Variants in GRM8 observed in about 807,000 individuals in gnomAD.
GRM8 encodes the protein metabotropic glutamate receptor 8.
A neutral mutation model predicts 87.2 loss-of-function variants in GRM8; 47 were observed. The ratio of observed to expected loss-of-function variants is 0.54; its 90% CI spans 0.43 to 0.69. GRM8 has a LOEUF of 0.69. Ranked by LOEUF, GRM8 falls within the 30% of genes least tolerant of loss-of-function variation. The pLI, the probability that GRM8 is intolerant of heterozygous loss-of-function variation, is 0.00. For missense variants in GRM8, 1,019 were observed against 1,139.2 expected, an observed-to-expected ratio of 0.89 and a Z score of 1.52; for synonymous variants, 396 against 404.5, an observed-to-expected ratio of 0.98 and a Z score of 0.25.
At chr7:127,172,830 C>T (rs1034778362) in intron 2 of GRM8, among the ~76,000 whole-genome samples, 5 of 152,116 alleles carry the variant, frequency 3.3e-5, no homozygotes, top group East Asian at 1.9e-4. Context: ...AGGATTAAAA[C>T]GTTATGTGCT....
rs556315374 is a variant in GRM8 at position 126,709,291 on chromosome 7, C to T, written c.1357+60574G>A. Among the ~76,000 whole-genome samples, 20 of 152,226 alleles carry T rather than the reference C, an allele frequency of 1.3e-4. No homozygotes were observed. The East Asian group carries it at 3.5e-3, about 26-fold the overall frequency. On this transcript the variant is annotated intron_variant, in intron 7 of 10. Transcript: ENST00000339582. ...AAAAGACAAGAAGCTAGGTGAGTAG[C>T]TCATGCCTGTAATCCCAGCTATGCA...
chr7:126,583,261 C>T (rs146351068), intron 8 of GRM8, among the ~76,000 whole-genome samples: 3,865 of 152,060 alleles, frequency 0.025, 154 homozygotes, highest in African/African-American at 0.088. Flanking sequence ...AAGGCTGAGG[C>T]AGGAAAATTG....
intron 7 of GRM8, among the ~76,000 whole-genome samples, chr7:126,718,744 T>G (rs557689103): frequency 6.6e-6 from 1 of 152,324 alleles, no homozygotes; most frequent in South Asian, 2.1e-4. Flanking sequence ...GCCACGAGGT[T>G]CCAGTTACTG....
intron 9 of GRM8, among the ~76,000 whole-genome samples, chr7:126,449,833 T>G (rs1246314792): frequency 6.6e-6 from 1 of 151,848 alleles, no homozygotes; most frequent in Non-Finnish European, 1.5e-5. Context: ...TTTCCCAGCC[T>G]TCTCTTACGT....
chr7:126,931,053 G>C (rs1362894226), intron 3 of GRM8, among the ~76,000 whole-genome samples: 2 of 152,152 alleles, frequency 1.3e-5, no homozygotes, highest in African/African-American at 4.8e-5. Flanking sequence ...TGTGAGCAGA[G>C]ATGATACTGA....
At chr7:126,907,342 G>A (rs1357288525) in intron 3 of GRM8, among the ~76,000 whole-genome samples, 2 of 151,104 alleles carry the variant, frequency 1.3e-5, no homozygotes, top group Non-Finnish European at 2.9e-5. Flanking sequence ...AGGGGAAGGA[G>A]GAGAAGGAGA....
At chr7:127,121,768 A>G (rs554185681) in intron 2 of GRM8, among the ~76,000 whole-genome samples, 2 of 152,258 alleles carry the variant, frequency 1.3e-5, no homozygotes, top group Non-Finnish European at 2.9e-5. Flanking sequence ...TGAGAATTCT[A>G]TCACGAGACA....
chr7:126,633,947 GA>G (rs1447034964), intron 7 of GRM8, among the ~76,000 whole-genome samples: 2 of 151,844 alleles, frequency 1.3e-5, no homozygotes, highest in Non-Finnish European at 2.9e-5. Context: ...ACAAGTATAT[GA>G]AAAAATGCCT....
chr7:126,446,108 ACT>A lies in GRM8; in HGVS notation c.2677+16_2677+17del. On this transcript the variant is annotated intron_variant, in intron 10 of 10. Coordinates refer to ENST00000339582, the MANE Select transcript of GRM8 (RefSeq NM_000845.3). ...GTGCTCCCGCTCTTGACCATCGGAA[ACT>A]CTACAGATGACTTACTGTTGGTTTC... The A allele has an allele frequency of 6.2e-7, 1 of 1,612,266 alleles. No homozygotes were observed. The highest frequency in any genetic ancestry group is 8.5e-7 in the Non-Finnish European group (1 of 1,178,826).
intron 2 of GRM8, among the ~76,000 whole-genome samples, chr7:127,115,423 A>T (rs1379700245): frequency 1.3e-5 from 2 of 152,192 alleles, no homozygotes; most frequent in Non-Finnish European, 2.9e-5. Context: ...AGACATTTTG[A>T]TTTGGCTACT....
intron 8 of GRM8, among the ~76,000 whole-genome samples, chr7:126,544,114 A>C (rs1047527314): frequency 2.3e-4 from 35 of 152,232 alleles, no homozygotes; most frequent in African/African-American, 8.4e-4. Context: ...ACACTTTGGC[A>C]TTATATGGTG....
At chr7:126,665,079 G>T (rs1468332334) in intron 7 of GRM8, among the ~76,000 whole-genome samples, 2 of 152,108 alleles carry the variant, frequency 1.3e-5, no homozygotes, top group Non-Finnish European at 2.9e-5. Flanking sequence ...TCTCACACCA[G>T]TCAGAATGGC....
intron 7 of GRM8, among the ~76,000 whole-genome samples, chr7:126,641,898 A>G (rs957963964): frequency 1.2e-4 from 18 of 152,264 alleles, no homozygotes; most frequent in African/African-American, 4.1e-4. Flanking sequence ...TCTGAAAAAA[A>G]GAAAACTTCT....
intron 7 of GRM8, among the ~76,000 whole-genome samples, chr7:126,755,742 G>C (rs901640862): frequency 3.2e-5 from 4 of 125,316 alleles, no homozygotes; most frequent in African/African-American, 1.0e-4. Flanking sequence ...GGGAGAGTAT[G>C]ATTTTCTTCT....
chr7:127,134,626 TAA>T (rs1283200513), intron 2 of GRM8, among the ~76,000 whole-genome samples: 2 of 152,176 alleles, frequency 1.3e-5, no homozygotes, highest in African/African-American at 4.8e-5. Context: ...AAATTAAAAT[TAA>T]AATGCAACAT....
chr7:126,694,860 C>T (rs1164677671), intron 7 of GRM8, among the ~76,000 whole-genome samples: 1 of 152,180 alleles, frequency 6.6e-6, no homozygotes, highest in Non-Finnish European at 1.5e-5. Context: ...GCTCCAAGTC[C>T]AGCCAGAGGC....
At chr7:126,451,750 T>C (rs17149799) in intron 9 of GRM8, among the ~76,000 whole-genome samples, 25,586 of 151,592 alleles carry the variant, frequency 0.17, 2,461 homozygotes, top group East Asian at 0.23. Context: ...GGCATGCTTC[T>C]ACTTCCAGAC....
At chr7:126,783,556 T>C (rs1369435925) in intron 6 of GRM8, among the ~76,000 whole-genome samples, 2 of 152,190 alleles carry the variant, frequency 1.3e-5, no homozygotes, top group Non-Finnish European at 2.9e-5. Context: ...CATGGCCTAT[T>C]AGTGATAATA....
intron 7 of GRM8, among the ~76,000 whole-genome samples, chr7:126,634,556 T>C (rs1248102881): frequency 6.6e-6 from 1 of 152,128 alleles, no homozygotes; most frequent in African/African-American, 2.4e-5. Context: ...TCATATTTTC[T>C]ACTGGCTGCA....
Sources: gnomAD v4.1 joint callset for allele counts (sites outside exome capture counted in the v4.1 genomes callset) on GRCh38, gnomAD v4.1.1 for gene constraint, MANE v1.5 for transcripts, NCBI Gene and HGNC (gene_info 2026-07-23, HGNC 2026-07-21) for gene names.